The following KIAA0825 variants were observed in gnomAD, a reference collection of about 807,000 sequenced individuals.
KIAA0825 encodes uncharacterized protein KIAA0825.
In KIAA0825, 119 loss-of-function variants were observed where a neutral mutation model predicts 147.6. That is an observed-to-expected ratio of 0.81 (90% CI 0.69 to 0.94). The LOEUF is 0.94. KIAA0825 is among the 40% of genes least tolerant of loss of function. The pLI is 0.00. For missense variants in KIAA0825, 1,381 were observed against 1,472.7 expected (o/e 0.94, Z 1.02); for synonymous variants, 470 against 518.1 (o/e 0.91, Z 1.26).
chr5:94,554,380 T>C (rs1170181119), intron 2 of KIAA0825, among the ~76,000 whole-genome samples: 1 of 152,114 alleles, frequency 6.6e-6, no homozygotes, highest in Non-Finnish European at 1.5e-5. Context: ...GTATTGCTGG[T>C]TTGGTTTGTG....
chr5:94,336,462 C>T (rs1480250761), intron 20 of KIAA0825, among the ~76,000 whole-genome samples: 1 of 138,720 alleles, frequency 7.2e-6, no homozygotes, highest in African/African-American at 2.7e-5. Context: ...CTCCTTGTGT[C>T]CATGTGTTCT....
chr5:94,212,948 A>C (rs1772851407), intron 20 of KIAA0825, among the ~76,000 whole-genome samples: 1 of 152,218 alleles, frequency 6.6e-6, no homozygotes, highest in South Asian at 2.1e-4. Flanking sequence ...AATCATATTA[A>C]TTATTAAGAA....
intron 20 of KIAA0825, among the ~76,000 whole-genome samples, chr5:94,234,097 T>C (rs1583930453): frequency 1.3e-5 from 2 of 152,276 alleles, no homozygotes; most frequent in East Asian, 3.9e-4. Context: ...CCGGGCGCGG[T>C]GGCTCACGCC....
At chr5:94,293,500 T>C (rs901030439) in intron 20 of KIAA0825, among the ~76,000 whole-genome samples, 4 of 152,238 alleles carry the variant, frequency 2.6e-5, no homozygotes, top group Admixed American at 6.5e-5. Context: ...TTCCATTCTT[T>C]TGCATTTGCT....
chr5:94,562,601 A>T (rs1777748239), intron 2 of KIAA0825, among the ~76,000 whole-genome samples: 1 of 152,220 alleles, frequency 6.6e-6, no homozygotes, highest in Non-Finnish European at 1.5e-5. Flanking sequence ...TCATTTAGCA[A>T]CTACAAAAGA....
intron 20 of KIAA0825, among the ~76,000 whole-genome samples, chr5:94,278,854 G>C (rs1443063611): frequency 1.3e-5 from 2 of 151,908 alleles, no homozygotes; most frequent in East Asian, 3.9e-4. Context: ...TTTCAATTCT[G>C]TTCCCCCATA....
At chr5:94,504,716 T>C (rs920401800) in intron 5 of KIAA0825, among the ~76,000 whole-genome samples, 13 of 151,740 alleles carry the variant, frequency 8.6e-5, no homozygotes, top group African/African-American at 3.1e-4. Context: ...AAGTTAACAT[T>C]TAGAATTACG....
chr5:94,282,587 G>T (rs1777513615), intron 20 of KIAA0825, among the ~76,000 whole-genome samples: 1 of 151,976 alleles, frequency 6.6e-6, no homozygotes, highest in Non-Finnish European at 1.5e-5. Context: ...AATTCTATAT[G>T]GCTAATATTC....
intron 20 of KIAA0825, among the ~76,000 whole-genome samples, chr5:94,212,727 G>C (rs1240466839): frequency 6.6e-6 from 1 of 152,146 alleles, no homozygotes; most frequent in Non-Finnish European, 1.5e-5. Flanking sequence ...GGGGCTGCTA[G>C]CAAACCAGCC....
At position 94,375,266 on chromosome 5, in the gene KIAA0825, C is replaced by T. The variant is rs532040255; in HGVS notation, c.3710+9102G>A. Among the ~76,000 whole-genome samples the T allele has an allele frequency of 2.6e-5, 4 of 152,142 alleles. No homozygotes were observed. The South Asian group carries it at 6.2e-4, about 24-fold the overall frequency. ...CAGGATGATCTTGATCTCCTGACCT[C>T]GTGATCTGCCCACCTCGGCCTCCCA... On this transcript the variant is annotated intron_variant, in intron 20 of 20. Transcript: ENST00000682413.
At chr5:94,201,712 C>T (rs565846217) in intron 20 of KIAA0825, among the ~76,000 whole-genome samples, 70 of 151,878 alleles carry the variant, frequency 4.6e-4, no homozygotes, top group Middle Eastern at 6.8e-3. Flanking sequence ...CCACGCCCCA[C>T]CATGAAACTT....
At chr5:94,471,091 G>T (rs1040440173) in intron 9 of KIAA0825, among the ~76,000 whole-genome samples, 2 of 152,034 alleles carry the variant, frequency 1.3e-5, no homozygotes, top group East Asian at 1.9e-4. Context: ...TTCTAAGTCC[G>T]CTCCACGAGA....
In KIAA0825 at chr5:94,470,017, T is replaced by C. The variant is rs1444607520; in HGVS notation, c.1816A>G (p.Ser606Gly). The change falls in exon 10 of 21, where the codon AGC becomes GGC. Residue 606 changes from serine to glycine, a missense_variant. Ser to Gly is a moderately conservative substitution (Grantham distance 56). Transcript: ENST00000682413. ...TGGCTCTCAGCATCCTGTAAAATGCTTGTAGCACAAACTCTGACGCAGTAG... is the reference window on the plus strand; with the variant it reads ...TGGCTCTCAGCATCCTGTAAAATGCCTGTAGCACAAACTCTGACGCAGTAG... ...TNYCVRVCAT[S>G]ILQDAESHHW... 10 of 1,551,722 alleles carry C rather than the reference T, an allele frequency of 6.4e-6. No homozygotes were observed. Among genetic ancestry groups the C allele is most frequent in the African/African-American group, 1.4e-5 (1 of 73,054 alleles).
At chr5:94,608,470 A>AT (rs1561389767) in intron 1 of KIAA0825, among the ~76,000 whole-genome samples, 1 of 17,742 alleles carries the variant, frequency 5.6e-5, no homozygotes, top group Non-Finnish European at 9.2e-5. Context: ...TATATTATAT[A>AT]TATAATATAT....
chr5:94,338,904 A>G (rs1782077166), intron 20 of KIAA0825, among the ~76,000 whole-genome samples: 1 of 152,174 alleles, frequency 6.6e-6, no homozygotes, highest in Non-Finnish European at 1.5e-5. Flanking sequence ...TTTCTCTATT[A>G]CAATAATAAA....
At chr5:94,379,952 C>T (rs1464768891) in intron 20 of KIAA0825, among the ~76,000 whole-genome samples, 1 of 147,884 alleles carries the variant, frequency 6.8e-6, no homozygotes, top group Admixed American at 6.8e-5. Flanking sequence ...CTCCTGGGCT[C>T]ACGCCATTCT....
At chr5:94,348,787 C>G (rs1268889320) in intron 20 of KIAA0825, among the ~76,000 whole-genome samples, 1 of 152,138 alleles carries the variant, frequency 6.6e-6, no homozygotes, top group African/African-American at 2.4e-5. Context: ...AAAAGGAGCT[C>G]TAAATCTTGA....
chr5:94,419,846 G>C (rs914986953), intron 14 of KIAA0825, among the ~76,000 whole-genome samples: 1 of 152,160 alleles, frequency 6.6e-6, no homozygotes, highest in Non-Finnish European at 1.5e-5. Flanking sequence ...TGTTGTCCTG[G>C]TGTAATTACT....
rs551890110 is a variant in KIAA0825 at position 94,331,152 on chromosome 5, AAG to A, written c.3710+53214_3710+53215del. Among the ~76,000 whole-genome samples the A allele has an allele frequency of 2.2e-4, 34 of 151,512 alleles. No individual in the cohort carries two copies. The South Asian group carries it at 3.8e-3, about 17-fold the overall frequency. ...TCTGTCTCAAAAAAAAAAAGAAAGA[AAG>A]AGAGAGAGAGAGAAAGAAAGAAGAA... On this transcript the variant is annotated intron_variant, in intron 20 of 20. Coordinates refer to ENST00000682413, the MANE Select transcript of KIAA0825 (RefSeq NM_001145678.3).
Sources: allele counts gnomAD v4.1 joint callset (sites outside exome capture counted in the v4.1 genomes callset), GRCh38; gene constraint gnomAD v4.1.1; transcripts MANE v1.5; gene names NCBI Gene and HGNC (gene_info 2026-07-23, HGNC 2026-07-21).